The following NUP98 variants were observed in gnomAD, a reference collection of about 807,000 sequenced individuals.
NUP98 encodes nuclear pore complex protein Nup98-Nup96.
NUP98 carries 26 observed loss-of-function variants against 191.9 expected under a neutral mutation model. The ratio of observed to expected loss-of-function variants is 0.14; its 90% CI spans 0.10 to 0.19. NUP98 has a LOEUF of 0.19. Among genes scored for constraint, NUP98 ranks in the 10% least tolerant of loss-of-function variants. NUP98 has a pLI of 1.00. For missense variants in NUP98, 1,941 were observed against 2,178.8 expected, an observed-to-expected ratio of 0.89 and a Z score of 2.17; for synonymous variants, 808 against 778.4, an observed-to-expected ratio of 1.04 and a Z score of -0.63.
chr11:3,750,033 G>A (rs1055993998), intron 11 of NUP98, among the ~76,000 whole-genome samples: 2 of 152,144 alleles, frequency 1.3e-5, no homozygotes, highest in Non-Finnish European at 2.9e-5. Context: ...TGTTCACTGA[G>A]GGTTTTGCCA....
chr11:3,744,391 T>A, intron 12 of NUP98, 118 bp downstream of exon 12: 1 of 1,014,132 alleles, frequency 9.9e-7, no homozygotes, highest in Non-Finnish European at 1.4e-6. Context: ...CCCAATTGTT[T>A]AATGACATGC....
At chr11:3,699,045 G>C in intron 25 of NUP98, 37 bp downstream of exon 25, 1 of 1,604,400 alleles carries the variant, frequency 6.2e-7, no homozygotes, top group Non-Finnish European at 8.5e-7. Context: ...GTAGGAAGGC[G>C]ACAGAGGCGC....
chr11:3,721,007 T>TGTGTGA (rs911995906), intron 16 of NUP98, 182 bp from the exon 17 acceptor site: 15 of 431,394 alleles, frequency 3.5e-5, no homozygotes, highest in Middle Eastern at 6.3e-4. Flanking sequence ...TGTGTGTGTG[T>TGTGTGA]GAAAAGCTTC....
chr11:3,686,722 G>A (rs1285247932), intron 28 of NUP98, among the ~76,000 whole-genome samples: 1 of 152,156 alleles, frequency 6.6e-6, no homozygotes, highest in Admixed American at 6.5e-5. Flanking sequence ...GGTGGCTCAC[G>A]CCTGTAATCC....
intron 29 of NUP98, among the ~76,000 whole-genome samples, chr11:3,684,811 G>A (rs1482373575): frequency 7.7e-6 from 1 of 130,040 alleles, no homozygotes; most frequent in Non-Finnish European, 1.6e-5. Context: ...CTTAGGCTTA[G>A]AGAGTTAAGA....
At chr11:3,721,176 G>C (rs898090438) in intron 16 of NUP98, 1 of 156,270 alleles carries the variant, frequency 6.4e-6, no homozygotes, top group East Asian at 1.8e-4. Context: ...GACTATAAAA[G>C]GTATCTCATA....
At chr11:3,734,668 C>T (rs1013667502) in intron 13 of NUP98, among the ~76,000 whole-genome samples, 2 of 152,108 alleles carry the variant, frequency 1.3e-5, no homozygotes, top group Non-Finnish European at 2.9e-5. Flanking sequence ...AGATTAAAGA[C>T]AAAGCTATGT....
Position 3,742,459 on chromosome 11 carries a change from G to C in NUP98, c.1408+2050C>G, listed in dbSNP as rs552934323. 3.3e-5 allele frequency among the ~76,000 whole-genome samples: 5 copies of C among 152,186 alleles called. No individual in the cohort carries two copies. In the East Asian group the frequency reaches 9.6e-4, roughly 29 times the overall value. ...CTCACACCTGTAATCTCAGAACTTT[G>C]GGAGGCCAAGGTAGATGGATCACCT... On this transcript the variant is annotated intron_variant, in intron 12 of 32. Transcript: ENST00000324932.
Position 3,682,525 on chromosome 11 carries a change from G to A in NUP98, c.4918+675C>T, listed in dbSNP as rs79450449. Reference sequence around the variant, plus strand: ...GGAAATAGGAAGGCCCAAAGAGAGGGAAAGAGATGGGGATGACCAGTTGAT... The same window carrying A: ...GGAAATAGGAAGGCCCAAAGAGAGGAAAAGAGATGGGGATGACCAGTTGAT... On this transcript the variant is annotated intron_variant, in intron 30 of 32. Transcript: ENST00000324932. Among the ~76,000 whole-genome samples, 19 of 152,314 alleles carry A rather than the reference G, an allele frequency of 1.2e-4. No homozygotes were observed. In the South Asian group the frequency reaches 1.7e-3, roughly 13 times the overall value.
At chr11:3,782,253 A>C (rs1200968163) in intron 1 of NUP98, 108 bp from the exon 2 acceptor site, 5 of 559,870 alleles carry the variant, frequency 8.9e-6, no homozygotes, top group African/African-American at 7.7e-5. Flanking sequence ...ACTATAGTAT[A>C]TACTCTCATT....
rs1024182394 is a variant in NUP98, at chr11:3,781,924, A to C, written c.76+118T>G. 7 of 566,168 alleles carry C rather than the reference A, an allele frequency of 1.2e-5. No individual in the cohort carries two copies. The Admixed American group carries it at 2.3e-4, about 18-fold the overall frequency. 35.1% of individuals were successfully genotyped at this position (566,168 alleles called of 1,614,324 possible). A position where few individuals can be genotyped will look rare whatever the true frequency, so the allele number is the denominator to read the frequency against. On this transcript the variant is annotated intron_variant, in intron 2 of 32. Coordinates refer to ENST00000324932, the MANE Select transcript of NUP98 (RefSeq NM_016320.5). ...TTATCCTAATTATTTTTTCAAGACGACTTTGTTATAAATATGAAAGTAAAA... is the reference window on the plus strand; with the variant it reads ...TTATCCTAATTATTTTTTCAAGACGCCTTTGTTATAAATATGAAAGTAAAA...
Position 3,731,247 on chromosome 11 carries a change from G to C in NUP98, c.1730+144C>G, listed in dbSNP as rs892894794. ...CCATTGCACTCCAGCCTGGGTGACA[G>C]AGTAAGACTCTGTCTCAAAAACAAA... is the stretch of plus-strand genomic sequence containing the variant. On this transcript the variant is annotated intron_variant, in intron 14 of 32. Transcript: ENST00000324932. 12 of 470,416 alleles carry C rather than the reference G, an allele frequency of 2.6e-5. 1 individual carries two copies. The highest frequency in any genetic ancestry group is 2.4e-4 in the African/African-American group (12 of 49,336). 29.1% of individuals were successfully genotyped at this position (470,416 alleles called of 1,614,324 possible). A position where few individuals can be genotyped will look rare whatever the true frequency, so the allele number is the denominator to read the frequency against.
intron 22 of NUP98, 54 bp downstream of exon 22, chr11:3,705,146 C>T: frequency 1.3e-6 from 2 of 1,560,726 alleles, no homozygotes; most frequent in Non-Finnish European, 1.8e-6. Flanking sequence ...AAGTGAAAAG[C>T]AGGACTTGAT....
chr11:3,712,196 G>C (rs1262326269), intron 20 of NUP98: 23 of 1,073,432 alleles, frequency 2.1e-5, no homozygotes, highest in Non-Finnish European at 2.4e-5. Flanking sequence ...TAAAGAAAAA[G>C]ATTAAACTGC....
At position 3,679,681 on chromosome 11, in the gene NUP98, T is replaced by G. The variant is rs781458995; in HGVS notation, c.4946A>C (p.Tyr1649Ser). The G allele has an allele frequency of 2.0e-5, 33 of 1,614,036 alleles. No individual in the cohort carries two copies. The highest frequency in any genetic ancestry group is 2.7e-5 in the Non-Finnish European group (32 of 1,179,950). ...SDAIINENYD[Y>S]LKGFLEDLAP... is the part of the protein sequence containing the mutation. Reference sequence around the variant, plus strand: ...CAGGTCTTCCAAGAACCCCTTCAGGTAGTCATAGTTCTCATTAATGATGGC... The same window carrying G: ...CAGGTCTTCCAAGAACCCCTTCAGGGAGTCATAGTTCTCATTAATGATGGC... Residue 1649 changes from tyrosine to serine, a missense_variant, in exon 31 of 33, where the codon TAC becomes TCC. Coordinates refer to ENST00000324932, the MANE Select transcript of NUP98 (RefSeq NM_016320.5).
chr11:3,732,003 T>C (rs2079870429), intron 13 of NUP98, among the ~76,000 whole-genome samples: 1 of 152,212 alleles, frequency 6.6e-6, no homozygotes, highest in African/African-American at 2.4e-5. Context: ...GAACTGTCTT[T>C]ATTGTTCTAG....
intron 10 of NUP98, chr11:3,760,316 A>T (rs188196649): frequency 1.8e-6 from 1 of 568,274 alleles, no homozygotes; most frequent in African/African-American, 1.9e-5. Flanking sequence ...TTACATGCCT[A>T]CTAATTATCT....
intron 28 of NUP98, among the ~76,000 whole-genome samples, chr11:3,689,693 T>G (rs993144858): frequency 3.3e-4 from 50 of 152,254 alleles, no homozygotes; most frequent in African/African-American, 1.2e-3. Flanking sequence ...CAGGCTGGAG[T>G]ACAGTGATGC....
At chr11:3,723,104 A>C in intron 16 of NUP98, 53 bp downstream of exon 16, 1 of 1,536,546 alleles carries the variant, frequency 6.5e-7, no homozygotes, top group Non-Finnish European at 8.9e-7. Flanking sequence ...GCAACAAGCA[A>C]GTCATCTCGA....
Sources: allele counts gnomAD v4.1 joint callset (sites outside exome capture counted in the v4.1 genomes callset), GRCh38; gene constraint gnomAD v4.1.1; transcripts MANE v1.5; gene names NCBI Gene and HGNC (gene_info 2026-07-23, HGNC 2026-07-21).